The following HAVCR1 variants were observed in gnomAD, a reference collection of about 807,000 sequenced individuals.
HAVCR1 encodes hepatitis A virus cellular receptor 1.
Under a neutral mutation model 32.0 loss-of-function variants are expected in HAVCR1, and 34 were observed. The observed-to-expected ratio is 1.06, with a 90% CI of 0.81 to 1.42. The LOEUF (loss-of-function observed/expected upper bound fraction) is 1.42. Ranked by LOEUF, HAVCR1 falls within the 40% of genes most tolerant of loss-of-function variation. The pLI, the probability that HAVCR1 is intolerant of heterozygous loss-of-function variation, is 0.00. For synonymous variants in HAVCR1, 178 were observed against 170.3 expected, an observed-to-expected ratio of 1.05 and a Z score of -0.35; for missense variants, 420 against 442.3, an observed-to-expected ratio of 0.95 and a Z score of 0.45.
chr5:157,042,470 T>C (rs1384479627), intron 6 of HAVCR1, among the ~76,000 whole-genome samples, 157 bp downstream of exon 6: 1 of 149,642 alleles, frequency 6.7e-6, no homozygotes, highest in African/African-American at 2.5e-5. Context: ...AATTAAAGCA[T>C]CCTATTTAAG....
chr5:157,037,547 G>A (rs554367968), intron 6 of HAVCR1, among the ~76,000 whole-genome samples, 186 bp from the exon 7 acceptor site: 33 of 152,134 alleles, frequency 2.2e-4, no homozygotes, highest in South Asian at 4.1e-4. Context: ...AACTTGAAAC[G>A]CAAAACATAT....
At chr5:157,047,674 C>A (rs1755486678) in intron 5 of HAVCR1, among the ~76,000 whole-genome samples, 1 of 152,178 alleles carries the variant, frequency 6.6e-6, no homozygotes, top group African/African-American at 2.4e-5. Context: ...TATACCTCAT[C>A]CTGTGCATCT....
Position 157,042,686 on chromosome 5 carries a change from C to T in HAVCR1, c.782-4G>A. On this transcript the variant is annotated splice_region_variant and splice_polypyrimidine_tract_variant and intron_variant, in intron 5 of 8. Transcript: ENST00000523175. ...TCTGTCACGGTGTCATTCCCATCTA[C>T]TCAACAAGAAGGAAATTTAATTAGA... is the stretch of plus-strand genomic sequence containing the variant. The T allele has an allele frequency of 6.4e-7, 1 of 1,552,220 alleles. No homozygotes were observed. Among genetic ancestry groups the T allele is most frequent in the South Asian group, 1.1e-5 (1 of 88,660 alleles).
chr5:157,032,794 AT>A, intron 8 of HAVCR1, 59 bp downstream of exon 8: 1 of 1,003,876 alleles, frequency 1.0e-6, no homozygotes, highest in Non-Finnish European at 1.6e-6. Flanking sequence ...ACAGAAATCT[AT>A]TTTTATTTTA....
chr5:157,043,267 G>T (rs1321210193), intron 5 of HAVCR1, among the ~76,000 whole-genome samples: 3 of 152,134 alleles, frequency 2.0e-5, no homozygotes, highest in Non-Finnish European at 4.4e-5. Context: ...AGCATATTAT[G>T]CCATATAAGG....
chr5:157,055,236 T>C lies in HAVCR1; in HGVS notation c.344A>G (p.Asp115Gly), dbSNP rs1168125347. 9 of 1,587,314 alleles carry C rather than the reference T, an allele frequency of 5.7e-6. No homozygotes were observed. In the Admixed American group the frequency reaches 8.6e-5, roughly 15 times the overall value. Reference sequence around the variant, plus strand: ...CTCCAATGATACGGTGATTTTCATGTCATTGAACCACCCACGGTGCTCAAC... The same window carrying C: ...CTCCAATGATACGGTGATTTTCATGCCATTGAACCACCCACGGTGCTCAAC... Reference protein sequence around the residue: ...CRVEHRGWFNDMKITVSLEIV... With the variant: ...CRVEHRGWFNGMKITVSLEIV... Residue 115 changes from aspartate to glycine, a missense_variant, in exon 3 of 9, where the codon GAC becomes GGC. Asp to Gly is a moderately conservative substitution (Grantham distance 94). Coordinates refer to ENST00000523175, the MANE Select transcript of HAVCR1 (RefSeq NM_001173393.3).
At chr5:157,042,506 T>A in intron 6 of HAVCR1, 121 bp downstream of exon 6, 2 of 592,406 alleles carry the variant, frequency 3.4e-6, no homozygotes, top group Non-Finnish European at 6.0e-6. Flanking sequence ...TTCAACTTTT[T>A]TTTAAGAAGA....
chr5:157,044,468 A>AAAGAAAGG (rs1491433468), intron 5 of HAVCR1, among the ~76,000 whole-genome samples: 18 of 62,976 alleles, frequency 2.9e-4, no homozygotes, highest in East Asian at 4.8e-4. Context: ...AGAAAGAAAG[A>AAAGAAAGG]AAGGAAGGAA....
chr5:157,042,661 T>A lies in HAVCR1; in HGVS notation c.803A>T (p.Glu268Val). Residue 268 changes from glutamate to valine, a missense_variant, in exon 6 of 9, where the codon GAG becomes GTG. Physicochemically the swap from Glu to Val is moderately radical, Grantham distance 121. Coordinates refer to ENST00000523175, the MANE Select transcript of HAVCR1 (RefSeq NM_001173393.3). ...YTTDGNDTVT[E>V]SSDGLWNNNQ... ...GTTATTCCAAAGGCCATCTGAAGAC[T>A]CTGTCACGGTGTCATTCCCATCTAC... 1 of 1,595,534 alleles carries A rather than the reference T, an allele frequency of 6.3e-7. No homozygotes were observed. Among genetic ancestry groups the A allele is most frequent in the Non-Finnish European group, 8.6e-7 (1 of 1,163,958 alleles).
chr5:157,067,775 G>A, the HAVCR1 span, among the ~76,000 whole-genome samples: 5 of 152,006 alleles, frequency 3.3e-5, no homozygotes, highest in African/African-American at 9.7e-5. Context: ...TGCAACCTCC[G>A]CCTCCCGGGT....
chr5:157,049,069 G>A lies in HAVCR1; in HGVS notation c.750C>T (p.Pro250=), dbSNP rs1388571669. ...TTLQGAIRRE[P]TSSPLYSYTT... Reference sequence around the variant, plus strand: ...TGTAAGAGTACAATGGTGAGCTGGTGGGTTCTCTCCTTATTGCTCCCTGCA... The same window carrying A: ...TGTAAGAGTACAATGGTGAGCTGGTAGGTTCTCTCCTTATTGCTCCCTGCA... The change falls in exon 5 of 9, where the codon CCC becomes CCT. Residue 250 remains proline, a synonymous_variant. Transcript: ENST00000523175. 6.2e-7 allele frequency: 1 copy of A among 1,610,054 alleles called. No homozygotes were observed. Among genetic ancestry groups the A allele is most frequent in the Non-Finnish European group, 8.5e-7 (1 of 1,176,314 alleles).
intron 7 of HAVCR1, among the ~76,000 whole-genome samples, chr5:157,035,385 A>T (rs1350814306): frequency 1.3e-5 from 2 of 152,222 alleles, no homozygotes; most frequent in Non-Finnish European, 2.9e-5. Flanking sequence ...ATGGCTTCAA[A>T]TACCACATCT....
chr5:157,056,771 G>T (rs1756181842), intron 2 of HAVCR1, among the ~76,000 whole-genome samples: 1 of 152,044 alleles, frequency 6.6e-6, no homozygotes, highest in Admixed American at 6.6e-5. Flanking sequence ...GGTTATAGAA[G>T]TATATAATGA....
chr5:157,067,837 C>T, the HAVCR1 span, among the ~76,000 whole-genome samples: 2 of 152,254 alleles, frequency 1.3e-5, no homozygotes, highest in African/African-American at 4.8e-5. Context: ...CCACCACACC[C>T]AGCTAATTTT....
At chr5:157,058,143 G>T in intron 1 of HAVCR1, 188 bp from the exon 2 acceptor site, 1 of 555,326 alleles carries the variant, frequency 1.8e-6, no homozygotes, top group Non-Finnish European at 3.2e-6. Context: ...GCAGCTGAGA[G>T]CTCTGTGCCT....
At chr5:157,067,988 G>A in the HAVCR1 span, among the ~76,000 whole-genome samples, 5 of 148,144 alleles carry the variant, frequency 3.4e-5, no homozygotes, top group South Asian at 2.4e-4. Context: ...AGCAAGACCC[G>A]TTCTCAAAAC....
intron 5 of HAVCR1, among the ~76,000 whole-genome samples, chr5:157,044,168 C>A (rs1755082624): frequency 6.6e-6 from 1 of 151,718 alleles, no homozygotes; most frequent in African/African-American, 2.4e-5. Context: ...CCCATCTCTA[C>A]TAAAAATATA....
At chr5:157,044,887 T>C (rs1755287968) in intron 5 of HAVCR1, among the ~76,000 whole-genome samples, 1 of 152,188 alleles carries the variant, frequency 6.6e-6, no homozygotes, top group Admixed American at 6.5e-5. Flanking sequence ...GTTAGCAATG[T>C]AACTTTGATA....
intron 1 of HAVCR1, chr5:157,058,359 C>G (rs9313422): frequency 0.51 from 80,698 of 158,890 alleles, 20,747 homozygotes; most frequent in East Asian, 0.65. Flanking sequence ...GTCAGGAGAT[C>G]GAGACCATCC....
Sources: allele counts gnomAD v4.1 joint callset (sites outside exome capture counted in the v4.1 genomes callset), GRCh38; gene constraint gnomAD v4.1.1; transcripts MANE v1.5; gene names NCBI Gene and HGNC (gene_info 2026-07-23, HGNC 2026-07-21).